Variants in NALCN observed in about 807,000 individuals in gnomAD.
NALCN encodes the protein sodium leak channel, non-selective, also known as sodium leak channel NALCN.
Under a neutral mutation model 225.3 loss-of-function variants are expected in NALCN, and 111 were observed. That is an observed-to-expected ratio of 0.49 (90% CI 0.42 to 0.58). NALCN has a LOEUF of 0.58. Ranked by LOEUF, NALCN falls within the 20% of genes least tolerant of loss-of-function variation. The pLI is 0.00. For missense variants in NALCN, 1,378 were observed against 2,202.4 expected, an observed-to-expected ratio of 0.63 and a Z score of 7.49; for synonymous variants, 764 against 769.0, an observed-to-expected ratio of 0.99 and a Z score of 0.11.
chr13:101,111,202 C>T lies in NALCN; in HGVS notation c.2217G>A (p.Leu739=), dbSNP rs766012184. Residue 739 remains leucine (L), a synonymous_variant, in exon 19 of 44, where the codon CTG becomes CTA. Coordinates refer to ENST00000251127, the MANE Select transcript of NALCN (RefSeq NM_052867.4). ...ILRACTRQRM[L]SGSFEGQPAK... is the part of the protein sequence containing the mutation. The stretch of plus-strand genomic sequence containing the variant: ...CGGGCTGCCCCTCAAATGATCCGCT[C>T]AGCATGCGCTGTCGGGTGCAAGCTC... The T allele has an allele frequency of 1.2e-6, 2 of 1,602,554 alleles. No homozygotes were observed. Among genetic ancestry groups the T allele is most frequent in the African/African-American group, 1.3e-5 (1 of 74,718 alleles).
chr13:101,251,436 C>T (rs1423839426), intron 11 of NALCN, among the ~76,000 whole-genome samples: 1 of 152,008 alleles, frequency 6.6e-6, no homozygotes, highest in Non-Finnish European at 1.5e-5. Context: ...CAGGGATCTT[C>T]TACTCTACTA....
chr13:101,416,016 G>A (rs1296456772), intron 1 of NALCN, among the ~76,000 whole-genome samples: 1 of 152,064 alleles, frequency 6.6e-6, no homozygotes, highest in Non-Finnish European at 1.5e-5. Context: ...CCCGCGGCAG[G>A]CGCCCCCGAC....
rs138339768 is a variant in NALCN at position 101,408,981 on chromosome 13, T to A, written c.-40+7332A>T. On this transcript the variant is annotated intron_variant, in intron 1 of 43. Transcript: ENST00000251127. ...TGAGTCTATTTCTTAAATCCCAAAG[T>A]AAAACAGCAGGTTATTTTTCTCTGG... is the stretch of plus-strand genomic sequence containing the variant. 1.6e-3 allele frequency among the ~76,000 whole-genome samples: 241 copies of A among 152,304 alleles called. 2 individuals are homozygous for A. The highest frequency in any genetic ancestry group is 5.6e-3 in the African/African-American group (232 of 41,576).
chr13:101,088,478 A>G (rs1254938556), intron 30 of NALCN, among the ~76,000 whole-genome samples: 3 of 152,162 alleles, frequency 2.0e-5, no homozygotes, highest in Admixed American at 6.6e-5. Flanking sequence ...TCGAAGAATC[A>G]CAGAGCCTGC....
intron 10 of NALCN, among the ~76,000 whole-genome samples, chr13:101,271,371 G>A (rs1384111599): frequency 6.6e-6 from 1 of 151,556 alleles, no homozygotes; most frequent in Non-Finnish European, 1.5e-5. Context: ...TTATACAATT[G>A]GCCTCTCTGT....
chr13:101,271,990 ATGTG>A (rs200924117), intron 10 of NALCN, among the ~76,000 whole-genome samples: 3 of 144,142 alleles, frequency 2.1e-5, no homozygotes, highest in Non-Finnish European at 4.6e-5. Context: ...GCCTGTGTGC[ATGTG>A]TGTGTCTGCG....
Position 101,057,544 on chromosome 13 carries a change from T to C in NALCN, c.5023+395A>G, listed in dbSNP as rs148804770. 721 of 232,168 alleles carry C rather than the reference T, an allele frequency of 3.1e-3. 7 individuals carry two copies. The highest frequency in any genetic ancestry group is 0.016 in the African/African-American group (670 of 42,584). 14.4% of individuals were successfully genotyped at this position (232,168 alleles called of 1,614,324 possible). A position where few individuals can be genotyped will look rare whatever the true frequency, so the allele number is the denominator to read the frequency against. Reference sequence around the variant, plus strand: ...TGAGAGAAATCGGGGGCCTGTCCCTTTTTTGAGAACTTCGTGGCATTTTCT... The same window carrying C: ...TGAGAGAAATCGGGGGCCTGTCCCTCTTTTGAGAACTTCGTGGCATTTTCT... On this transcript the variant is annotated intron_variant, in intron 43 of 43. Coordinates refer to ENST00000251127, the MANE Select transcript of NALCN (RefSeq NM_052867.4).
At chr13:101,078,803 G>A (rs954981025) in intron 34 of NALCN, among the ~76,000 whole-genome samples, 2 of 151,990 alleles carry the variant, frequency 1.3e-5, no homozygotes, top group African/African-American at 4.8e-5. Context: ...ATTTGGGAGG[G>A]GTCCAGGCAG....
Position 101,416,366 on chromosome 13 carries a change from G to T in NALCN, c.-93C>A. ...GGTGCCCGCGGGCGGCGGCGGCGGC[G>T]ACAGTGGGCGACCGGCAGGATCAGT... On this transcript the variant is annotated 5_prime_UTR_variant, in exon 1 of 44. Transcript: ENST00000251127. 6.5e-6 allele frequency: 1 copy of T among 153,304 alleles called. No homozygotes were observed. The highest frequency in any genetic ancestry group is 1.9e-4 in the South Asian group (1 of 5,192). The allele number at this position is 153,304 out of a possible 1,614,324, so 9.5% of individuals were successfully genotyped here. A position where few individuals can be genotyped will look rare whatever the true frequency, so the allele number is the denominator to read the frequency against.
At chr13:101,342,196 C>T (rs1395391474) in intron 7 of NALCN, among the ~76,000 whole-genome samples, 2 of 152,174 alleles carry the variant, frequency 1.3e-5, no homozygotes, top group African/African-American at 4.8e-5. Flanking sequence ...CATAACTCTG[C>T]ATGCACATAA....
intron 40 of NALCN, 29 bp downstream of exon 40, chr13:101,065,375 A>G (rs1019249749): frequency 6.2e-7 from 1 of 1,612,924 alleles, no homozygotes; most frequent in African/African-American, 1.3e-5. Context: ...TCTGGCCCCC[A>G]TTCAGCCCTG....
intron 17 of NALCN, among the ~76,000 whole-genome samples, chr13:101,134,375 T>C (rs943389025): frequency 6.6e-6 from 1 of 152,238 alleles, no homozygotes; most frequent in African/African-American, 2.4e-5. Flanking sequence ...CCCTGCCCTG[T>C]GTGAAACATC....
At chr13:101,349,701 G>C (rs1283870549) in intron 6 of NALCN, among the ~76,000 whole-genome samples, 1 of 152,090 alleles carries the variant, frequency 6.6e-6, no homozygotes, top group Non-Finnish European at 1.5e-5. Flanking sequence ...CTCTGTCTTT[G>C]ACCTTTCTCT....
At chr13:101,236,770 G>A (rs112187340) in intron 12 of NALCN, among the ~76,000 whole-genome samples, 2,598 of 122,908 alleles carry the variant, frequency 0.021, 49 homozygotes, top group Non-Finnish European at 0.034. Flanking sequence ...GTTGTGGGGT[G>A]GGGGGAGGGG....
At chr13:101,299,642 A>T (rs1379715803) in intron 7 of NALCN, among the ~76,000 whole-genome samples, 1 of 152,222 alleles carries the variant, frequency 6.6e-6, no homozygotes, top group Admixed American at 6.5e-5. Context: ...AAACCTAAGC[A>T]GCAGCCACCA....
chr13:101,114,623 A>T (rs1436076578), intron 18 of NALCN, among the ~76,000 whole-genome samples: 3 of 152,148 alleles, frequency 2.0e-5, no homozygotes, highest in African/African-American at 4.8e-5. Flanking sequence ...CATGCGATTG[A>T]GTGGGGCTCT....
intron 17 of NALCN, among the ~76,000 whole-genome samples, chr13:101,140,663 C>G (rs530567026): frequency 1.3e-5 from 2 of 152,340 alleles, no homozygotes; most frequent in South Asian, 4.1e-4. Flanking sequence ...CACTATCTTC[C>G]CACTTGTTTA....
rs2035211845 is a variant in NALCN, at chr13:101,107,770, T to C, written c.2384A>G (p.Tyr795Cys). 1.2e-6 allele frequency: 2 copies of C among 1,613,604 alleles called. No homozygotes were observed. The highest frequency in any genetic ancestry group is 1.7e-6 in the Non-Finnish European group (2 of 1,179,830). The change falls in exon 21 of 44, where the codon TAT becomes TGT. Residue 795 changes from tyrosine to cysteine, a missense_variant. This residue lies in a region of NALCN where 66 missense variants were observed against 85.7 expected (regional missense o/e 0.77). Coordinates refer to ENST00000251127, the MANE Select transcript of NALCN (RefSeq NM_052867.4). ...ACTGTCTTCTCTTTGTGCATTTCTATATCTCACTGTATTGGAATGCTAGAA... is the reference window on the plus strand; with the variant it reads ...ACTGTCTTCTCTTTGTGCATTTCTACATCTCACTGTATTGGAATGCTAGAA... Reference protein sequence around the residue: ...LTQDHSNTVRYRNAQREDSEI... With the variant: ...LTQDHSNTVRCRNAQREDSEI...
At chr13:101,306,766 G>A (rs551242125) in intron 7 of NALCN, among the ~76,000 whole-genome samples, 14 of 152,294 alleles carry the variant, frequency 9.2e-5, no homozygotes, top group Non-Finnish European at 1.2e-4. Flanking sequence ...TACAGAAAGC[G>A]AGTTAAGCCA....
Sources: allele counts gnomAD v4.1 joint callset (sites outside exome capture counted in the v4.1 genomes callset), GRCh38; gene constraint gnomAD v4.1.1; regional missense constraint gnomAD v4.1.1; transcripts MANE v1.5; gene names NCBI Gene and HGNC (gene_info 2026-07-23, HGNC 2026-07-21).